Variants in PCNP observed in about 807,000 individuals in gnomAD.
The protein encoded by PCNP is PEST proteolytic signal containing nuclear protein.
PCNP carries 6 observed loss-of-function variants against 21.8 expected under a neutral mutation model. That is an observed-to-expected ratio of 0.28 (90% CI 0.15 to 0.54). PCNP has a LOEUF of 0.54. Among genes scored for constraint, PCNP ranks in the 20% least tolerant of loss-of-function variants. PCNP has a pLI of 0.95. For missense variants in PCNP, 161 were observed against 215.5 expected, an observed-to-expected ratio of 0.75 and a Z score of 1.58; for synonymous variants, 67 against 73.2, an observed-to-expected ratio of 0.92 and a Z score of 0.43.
At chr3:101,585,943 G>A (rs149911864) in intron 3 of PCNP, among the ~76,000 whole-genome samples, 1 of 152,078 alleles carries the variant, frequency 6.6e-6, no homozygotes, top group African/African-American at 2.4e-5. Context: ...GGCTGAGGCA[G>A]GTGGATCACT....
At chr3:101,584,741 T>C (rs1016222079) in intron 2 of PCNP, among the ~76,000 whole-genome samples, 1 of 152,094 alleles carries the variant, frequency 6.6e-6, no homozygotes, top group African/African-American at 2.4e-5. Flanking sequence ...ATTTTTTGTG[T>C]TTTTAGTAGA....
chr3:101,586,545 C>CGTGTGTGTGTGTGTGTGTGTGTGTGT (rs377617517), intron 3 of PCNP, among the ~76,000 whole-genome samples: 1 of 99,774 alleles, frequency 1.0e-5, no homozygotes, highest in Non-Finnish European at 2.3e-5. Flanking sequence ...GGCGTATATT[C>CGTGTGTGTGTGTGTGTGTGTGTGTGT]GTGTGTGTGT....
Position 101,574,285 on chromosome 3 carries a change from C to G in PCNP, c.64+6C>G. On this transcript the variant is annotated splice_donor_region_variant and intron_variant, in intron 1 of 4. Coordinates refer to ENST00000265260, the MANE Select transcript of PCNP (RefSeq NM_020357.3). ...GCGAGCTGGAGCCGCCGGAGGTGAA[C>G]ACAACCCCAGCGTCGTGGGCAGCGT... The G allele has an allele frequency of 6.5e-7, 1 of 1,543,748 alleles. No homozygotes were observed. The highest frequency in any genetic ancestry group is 8.8e-7 in the Non-Finnish European group (1 of 1,142,340).
At chr3:101,586,196 A>T (rs1935493506) in intron 3 of PCNP, among the ~76,000 whole-genome samples, 5 of 134,786 alleles carry the variant, frequency 3.7e-5, no homozygotes. Flanking sequence ...AAAAAAAAAA[A>T]ATGTCAACTA....
rs557613240 is a variant in PCNP, at chr3:101,590,276, A to G, written c.410+6A>G. On this transcript the variant is annotated splice_donor_region_variant and intron_variant, in intron 4 of 4. Transcript: ENST00000265260. ...AGGATGAAGAATATTGGAAGGTATT[A>G]TAATTTTTCATAAATATTATAGAAA... The G allele has an allele frequency of 1.5e-6, 2 of 1,377,762 alleles. No individual in the cohort carries two copies. Among genetic ancestry groups the G allele is most frequent in the East Asian group, 2.3e-5 (1 of 42,976 alleles). 85.3% of individuals were successfully genotyped at this position (1,377,762 alleles called of 1,614,324 possible). A position where few individuals can be genotyped will look rare whatever the true frequency, so the allele number is the denominator to read the frequency against.
At chr3:101,581,225 G>C (rs1296919105) in intron 2 of PCNP, among the ~76,000 whole-genome samples, 1 of 152,022 alleles carries the variant, frequency 6.6e-6, no homozygotes, top group Non-Finnish European at 1.5e-5. Context: ...TCAGCTGGTA[G>C]TTTTTGTTTA....
At position 101,592,838 on chromosome 3, in the gene PCNP, T is replaced by C; in HGVS notation, c.*85T>C. On this transcript the variant is annotated 3_prime_UTR_variant, in exon 5 of 5. Transcript: ENST00000265260. Reference sequence around the variant, plus strand: ...TTTAAAGAATGGTATAAGACTATCTTTGGAGCCGCTTTTTTTTTCTTTTTC... The same window carrying C: ...TTTAAAGAATGGTATAAGACTATCTCTGGAGCCGCTTTTTTTTTCTTTTTC... 8.3e-7 allele frequency: 1 copy of C among 1,201,512 alleles called. No individual in the cohort carries two copies. The highest frequency in any genetic ancestry group is 1.1e-6 in the Non-Finnish European group (1 of 892,392). The allele number at this position is 1,201,512 out of a possible 1,614,324, so 74.4% of individuals were successfully genotyped here. A position where few individuals can be genotyped will look rare whatever the true frequency, so the allele number is the denominator to read the frequency against.
chr3:101,577,500 A>C (rs1292460147), intron 1 of PCNP, among the ~76,000 whole-genome samples: 1 of 152,182 alleles, frequency 6.6e-6, no homozygotes, highest in African/African-American at 2.4e-5. Context: ...GTACCCTTAC[A>C]GACTTAAACT....
intron 1 of PCNP, among the ~76,000 whole-genome samples, chr3:101,579,172 A>G (rs1006248014): frequency 2.0e-5 from 3 of 152,144 alleles, no homozygotes; most frequent in Admixed American, 6.6e-5. Context: ...TAAAACAGGT[A>G]ATAACCAAAT....
intron 2 of PCNP, among the ~76,000 whole-genome samples, chr3:101,581,488 C>G (rs1486318462): frequency 2.6e-5 from 4 of 151,922 alleles, no homozygotes; most frequent in Non-Finnish European, 5.9e-5. Context: ...AGCTGGAGTG[C>G]AATGGCACAA....
At chr3:101,585,160 A>G (rs910725868) in intron 2 of PCNP, among the ~76,000 whole-genome samples, 2 of 152,220 alleles carry the variant, frequency 1.3e-5, no homozygotes, top group Non-Finnish European at 1.5e-5. Flanking sequence ...GCCTGTACCA[A>G]GTACCCCTTA....
At chr3:101,575,441 T>A (rs1467469129) in intron 1 of PCNP, among the ~76,000 whole-genome samples, 3 of 151,592 alleles carry the variant, frequency 2.0e-5, no homozygotes, top group Non-Finnish European at 4.4e-5. Context: ...TTAGTTAAGC[T>A]GGAACTCCAT....
chr3:101,579,504 A>G lies in PCNP; in HGVS notation c.65-286A>G, dbSNP rs1303532632. ...ATCCCACAAATAACCAGATTATTGTACAAATTGTAGTGTTTAGTTGAAGGG... is the reference window on the plus strand; with the variant it reads ...ATCCCACAAATAACCAGATTATTGTGCAAATTGTAGTGTTTAGTTGAAGGG... On this transcript the variant is annotated intron_variant, in intron 1 of 4. Coordinates refer to ENST00000265260, the MANE Select transcript of PCNP (RefSeq NM_020357.3). 4.9e-5 allele frequency: 27 copies of G among 554,092 alleles called. No homozygotes were observed. In the Admixed American group the frequency reaches 5.6e-4, roughly 11 times the overall value. The allele number at this position is 554,092 out of a possible 1,614,324, so 34.3% of individuals were successfully genotyped here. A position where few individuals can be genotyped will look rare whatever the true frequency, so the allele number is the denominator to read the frequency against.
At chr3:101,584,731 A>AT (rs1006145276) in intron 2 of PCNP, among the ~76,000 whole-genome samples, 1 of 152,178 alleles carries the variant, frequency 6.6e-6, no homozygotes, top group African/African-American at 2.4e-5. Flanking sequence ...CACCTGGCTG[A>AT]TTTTTTGTGT....
intron 4 of PCNP, among the ~76,000 whole-genome samples, chr3:101,590,656 C>T (rs1935753947): frequency 1.3e-5 from 2 of 151,992 alleles, no homozygotes; most frequent in Admixed American, 6.6e-5. Context: ...GCTGCCCTCC[C>T]ACCTCAGCCT....
intron 3 of PCNP, among the ~76,000 whole-genome samples, chr3:101,585,994 A>C (rs1366394992): frequency 6.6e-6 from 1 of 151,966 alleles, no homozygotes; most frequent in Non-Finnish European, 1.5e-5. Flanking sequence ...AATATGGTGA[A>C]ACCCCATCTC....
At chr3:101,590,087 TCTC>T in intron 3 of PCNP, 125 bp from the exon 4 acceptor site, 1 of 651,678 alleles carries the variant, frequency 1.5e-6, no homozygotes, top group East Asian at 2.8e-5. Context: ...TCACTAATTT[TCTC>T]CTTTTACCAA....
At chr3:101,579,265 A>G (rs777502097) in intron 1 of PCNP, among the ~76,000 whole-genome samples, 17 of 152,166 alleles carry the variant, frequency 1.1e-4, no homozygotes, top group Admixed American at 2.0e-4. Context: ...GATGTACGTG[A>G]GGAACACATC....
At chr3:101,590,366 G>A in intron 4 of PCNP, 96 bp downstream of exon 4, 1 of 690,344 alleles carries the variant, frequency 1.4e-6, no homozygotes, top group Admixed American at 2.6e-5. Context: ...CTTTTCTTGT[G>A]CATTTGGGCA....
Sources: gnomAD v4.1 joint callset for allele counts (sites outside exome capture counted in the v4.1 genomes callset) on GRCh38, gnomAD v4.1.1 for gene constraint, MANE v1.5 for transcripts, NCBI Gene and HGNC (gene_info 2026-07-23, HGNC 2026-07-21) for gene names.